SLC36A1: variants seen among roughly 807,000 people sequenced by gnomAD.
The protein encoded by SLC36A1 is solute carrier family 36 member 1, also known as proton-coupled amino acid transporter 1.
SLC36A1 carries 30 observed loss-of-function variants against 47.5 expected under a neutral mutation model. That is an observed-to-expected ratio of 0.63 (90% CI 0.47 to 0.86). The LOEUF is 0.86. SLC36A1 is among the 40% of genes least tolerant of loss of function. The probability of loss-of-function intolerance (pLI) is 0.00; values close to 1 mark genes in which losing one functional copy is unlikely to be tolerated. For missense variants in SLC36A1, 517 were observed against 606.0 expected (o/e 0.85, Z 1.54); for synonymous variants, 255 against 249.7 (o/e 1.02, Z -0.20).
At chr5:151,537,265 CGAT>C in the SLC36A1 span, among the ~76,000 whole-genome samples, 89 of 134,486 alleles carry the variant, frequency 6.6e-4, no homozygotes, top group African/African-American at 1.9e-3. Flanking sequence ...AATAAGAAGA[CGAT>C]GGTGGTGGTG....
At chr5:151,388,814 T>C in the SLC36A1 span, among the ~76,000 whole-genome samples, 1 of 152,156 alleles carries the variant, frequency 6.6e-6, no homozygotes, top group African/African-American at 2.4e-5. Context: ...CTCTAAGTAT[T>C]TAGGTCACTT....
chr5:151,511,982 A>T, the SLC36A1 span: 3 of 607,882 alleles, frequency 4.9e-6, no homozygotes, highest in South Asian at 4.2e-5. Flanking sequence ...GTTGAGAGGG[A>T]AGGAAGACTC....
chr5:151,475,562 C>T (rs1757934696), intron 8 of SLC36A1, among the ~76,000 whole-genome samples: 1 of 152,182 alleles, frequency 6.6e-6, no homozygotes, highest in Middle Eastern at 3.2e-3. Flanking sequence ...CAGATATGGG[C>T]TCCCTGCCCT....
the SLC36A1 span, among the ~76,000 whole-genome samples, chr5:151,547,633 C>T: frequency 5.3e-5 from 8 of 152,212 alleles, no homozygotes; most frequent in Non-Finnish European, 5.9e-5. Context: ...GTCATATAAC[C>T]GCTAAATTCA....
the SLC36A1 span, among the ~76,000 whole-genome samples, chr5:151,513,840 T>G: frequency 2.0e-5 from 3 of 152,224 alleles, no homozygotes; most frequent in African/African-American, 7.2e-5. Context: ...TTTTTAAATA[T>G]CTCAGTTTTA....
chr5:151,511,169 G>C, the SLC36A1 span: 1 of 152,348 alleles, frequency 6.6e-6, no homozygotes, highest in Non-Finnish European at 1.5e-5. Flanking sequence ...AATGGGGAAA[G>C]AGAGAAGTGA....
chr5:151,393,601 A>G, the SLC36A1 span, among the ~76,000 whole-genome samples: 1 of 152,130 alleles, frequency 6.6e-6, no homozygotes, highest in Non-Finnish European at 1.5e-5. Flanking sequence ...AGGCCTGGTG[A>G]TGACTAAATC....
chr5:151,458,623 A>G (rs896510798), intron 1 of SLC36A1, among the ~76,000 whole-genome samples, 165 bp from the exon 2 acceptor site: 7 of 152,046 alleles, frequency 4.6e-5, no homozygotes, highest in African/African-American at 1.2e-4. Flanking sequence ...TGTACTTTGC[A>G]CTTTTCCATT....
chr5:151,409,334 C>T, the SLC36A1 span, among the ~76,000 whole-genome samples: 5 of 152,178 alleles, frequency 3.3e-5, no homozygotes, highest in African/African-American at 1.2e-4. Context: ...CATTGTTGCT[C>T]AGGCAGGAGG....
chr5:151,427,883 C>T, the SLC36A1 span, among the ~76,000 whole-genome samples: 12 of 152,162 alleles, frequency 7.9e-5, no homozygotes, highest in Non-Finnish European at 1.6e-4. Flanking sequence ...ACTGCAGAGG[C>T]TGGAGAGTGA....
intron 1 of SLC36A1, among the ~76,000 whole-genome samples, chr5:151,456,780 T>G (rs868404256): frequency 5.3e-5 from 8 of 152,286 alleles, no homozygotes; most frequent in Middle Eastern, 3.4e-3. Context: ...TTGCAATTGT[T>G]GAGAGAAAAT....
chr5:151,377,347 C>CTTTTTTTTT, the SLC36A1 span, among the ~76,000 whole-genome samples: 15 of 120,296 alleles, frequency 1.2e-4, no homozygotes, highest in East Asian at 1.0e-3. Context: ...CTGTCTCTTT[C>CTTTTTTTTT]TTTTTTTTTT....
chr5:151,410,613 T>A, the SLC36A1 span, among the ~76,000 whole-genome samples: 2 of 145,038 alleles, frequency 1.4e-5, 1 homozygote, highest in South Asian at 5.0e-4. Flanking sequence ...TATATATGCA[T>A]GTTTGAATAT....
chr5:151,357,318 A>T, the SLC36A1 span, among the ~76,000 whole-genome samples: 30 of 152,370 alleles, frequency 2.0e-4, no homozygotes, highest in East Asian at 5.8e-3. Flanking sequence ...CAGTATCAGC[A>T]TGACAAAACC....
the SLC36A1 span, among the ~76,000 whole-genome samples, chr5:151,426,102 A>G: frequency 1.3e-5 from 2 of 152,178 alleles, no homozygotes; most frequent in Non-Finnish European, 2.9e-5. Context: ...AGTGCACAAT[A>G]GATGTGTTCA....
At chr5:151,352,687 C>T in the SLC36A1 span, among the ~76,000 whole-genome samples, 4 of 152,218 alleles carry the variant, frequency 2.6e-5, no homozygotes, top group Non-Finnish European at 5.9e-5. Flanking sequence ...GCATTCTGTA[C>T]ATCCCTTGGC....
At chr5:151,527,159 C>T in the SLC36A1 span, 132 of 1,439,820 alleles carry the variant, frequency 9.2e-5, no homozygotes, top group South Asian at 1.7e-3. Flanking sequence ...GGACTAATGC[C>T]ACTGAGGGGC....
chr5:151,371,736 T>C, the SLC36A1 span, among the ~76,000 whole-genome samples: 4 of 152,182 alleles, frequency 2.6e-5, no homozygotes, highest in African/African-American at 9.7e-5. Context: ...AGTTTTTAGT[T>C]TTTTAAAAAA....
At chr5:151,409,310 G>T in the SLC36A1 span, among the ~76,000 whole-genome samples, 1 of 152,040 alleles carries the variant, frequency 6.6e-6, no homozygotes, top group Non-Finnish European at 1.5e-5. Flanking sequence ...GTTGGGGTGG[G>T]GGGGATAGAT....
Sources: gnomAD v4.1 joint callset for allele counts (sites outside exome capture counted in the v4.1 genomes callset) on GRCh38, gnomAD v4.1.1 for gene constraint, MANE v1.5 for transcripts, NCBI Gene and HGNC (gene_info 2026-07-23, HGNC 2026-07-21) for gene names.